The following ELMO1 variants were observed in gnomAD, a reference collection of about 807,000 sequenced individuals.
The protein encoded by ELMO1 is engulfment and cell motility protein 1.
ELMO1 carries 26 observed loss-of-function variants against 98.9 expected under a neutral mutation model. The ratio of observed to expected loss-of-function variants is 0.26; its 90% CI spans 0.19 to 0.36. The LOEUF (loss-of-function observed/expected upper bound fraction) is 0.36. ELMO1 is among the 10% of genes least tolerant of loss of function. The pLI is 1.00. For missense variants in ELMO1, 627 were observed against 935.2 expected, an observed-to-expected ratio of 0.67 and a Z score of 4.30; for synonymous variants, 346 against 346.0, an observed-to-expected ratio of 1.00 and a Z score of 0.00.
At position 36,936,488 on chromosome 7, in the gene ELMO1, C is replaced by T. The variant is rs117771559; in HGVS notation, c.1438-41471G>A. Among the ~76,000 whole-genome samples the T allele has an allele frequency of 7.9e-3, 1,206 of 152,216 alleles. 6 individuals carry two copies. Among genetic ancestry groups the T allele is most frequent in the Non-Finnish European group, 0.013 (915 of 68,014 alleles). ...TTTTATTTTTTAGAGATGGGGGTCT[C>T]GCTCTGTTGCCCAGACTGGAGTGCC... On this transcript the variant is annotated intron_variant, in intron 16 of 21. Coordinates refer to ENST00000310758, the MANE Select transcript of ELMO1 (RefSeq NM_014800.11).
At chr7:37,246,825 T>C (rs1297660346) in intron 6 of ELMO1, among the ~76,000 whole-genome samples, 2 of 151,890 alleles carry the variant, frequency 1.3e-5, no homozygotes, top group South Asian at 2.1e-4. Context: ...TCTATCTATA[T>C]ATATATCTGT....
chr7:37,036,981 T>C (rs1307254668), intron 15 of ELMO1, among the ~76,000 whole-genome samples: 2 of 152,128 alleles, frequency 1.3e-5, no homozygotes, highest in East Asian at 3.8e-4. Flanking sequence ...GAGAATGAAG[T>C]GGCCAGTGTA....
intron 1 of ELMO1, among the ~76,000 whole-genome samples, chr7:37,448,020 G>C (rs1034795609): frequency 1.3e-4 from 20 of 151,926 alleles, no homozygotes; most frequent in Non-Finnish European, 2.6e-4. Context: ...CGGAGACCCC[G>C]GTGTGTCCCC....
chr7:37,048,506 GA>G (rs1437599241), intron 15 of ELMO1, among the ~76,000 whole-genome samples: 1 of 152,194 alleles, frequency 6.6e-6, no homozygotes, highest in Admixed American at 6.5e-5. Flanking sequence ...ACAAGACTCT[GA>G]CTCCTTGGTA....
In ELMO1 at chr7:36,943,085, A is replaced by T. The variant is rs146697640; in HGVS notation, c.1438-48068T>A. Among the ~76,000 whole-genome samples the T allele has an allele frequency of 1.2e-4, 18 of 152,306 alleles. No individual in the cohort carries two copies. In the East Asian group the frequency reaches 3.5e-3, roughly 29 times the overall value. On this transcript the variant is annotated intron_variant, in intron 16 of 21. Transcript: ENST00000310758. ...CCTGGGTCCTACCTCAGAGGTGCTC[A>T]TGGTGAGGGCTACTGCCTCATTCCC...
chr7:36,880,069 C>T (rs946954230), intron 18 of ELMO1, among the ~76,000 whole-genome samples: 4 of 152,204 alleles, frequency 2.6e-5, no homozygotes, highest in African/African-American at 9.7e-5. Context: ...CTTTCCCCTG[C>T]CCTACGTGGC....
At chr7:36,943,829 G>C (rs547735877) in intron 16 of ELMO1, among the ~76,000 whole-genome samples, 1 of 152,026 alleles carries the variant, frequency 6.6e-6, no homozygotes, top group African/African-American at 2.4e-5. Context: ...CTTTTTCCTC[G>C]AGAGCTCCCT....
At chr7:37,071,654 T>C (rs539666520) in intron 15 of ELMO1, among the ~76,000 whole-genome samples, 3 of 152,224 alleles carry the variant, frequency 2.0e-5, no homozygotes, top group Middle Eastern at 3.4e-3. Context: ...AGGAAGACAA[T>C]ACAATTTGAT....
chr7:37,153,113 T>G (rs1055212288), intron 13 of ELMO1, among the ~76,000 whole-genome samples: 6 of 152,206 alleles, frequency 3.9e-5, no homozygotes, highest in Non-Finnish European at 7.3e-5. Flanking sequence ...AAGTAGGCAC[T>G]TCGGGAATTA....
At chr7:37,279,232 A>AAAG (rs1797013217) in intron 4 of ELMO1, among the ~76,000 whole-genome samples, 1 of 131,826 alleles carries the variant, frequency 7.6e-6, no homozygotes. Context: ...AACAAACAAA[A>AAAG]AGTGTGTGAG....
intron 15 of ELMO1, among the ~76,000 whole-genome samples, chr7:37,021,443 GA>G (rs1005692165): frequency 6.6e-6 from 1 of 151,482 alleles, no homozygotes; most frequent in South Asian, 2.1e-4. Flanking sequence ...ATGGAGAGAG[GA>G]AAAAAAATAC....
intron 15 of ELMO1, among the ~76,000 whole-genome samples, chr7:37,090,363 T>C (rs987423622): frequency 1.3e-5 from 2 of 152,240 alleles, no homozygotes; most frequent in Non-Finnish European, 2.9e-5. Flanking sequence ...AATCTAATTC[T>C]AGCGTGTTAT....
At chr7:37,105,646 G>T (rs1230589293) in intron 14 of ELMO1, among the ~76,000 whole-genome samples, 1 of 152,204 alleles carries the variant, frequency 6.6e-6, no homozygotes, top group African/African-American at 2.4e-5. Flanking sequence ...GGACCACACT[G>T]TGGGAACCAC....
intron 16 of ELMO1, among the ~76,000 whole-genome samples, chr7:36,967,783 AG>A (rs1342598983): frequency 1.3e-5 from 2 of 152,228 alleles, no homozygotes; most frequent in African/African-American, 4.8e-5. Flanking sequence ...AATGCAACCT[AG>A]CTAATATCTT....
chr7:37,185,514 C>T (rs1375271209), intron 13 of ELMO1, among the ~76,000 whole-genome samples: 1 of 152,142 alleles, frequency 6.6e-6, no homozygotes, highest in East Asian at 1.9e-4. Context: ...CCACTCAGAT[C>T]ACCCTAGATT....
At chr7:37,168,361 T>C (rs1374090199) in intron 13 of ELMO1, among the ~76,000 whole-genome samples, 1 of 152,240 alleles carries the variant, frequency 6.6e-6, no homozygotes, top group Non-Finnish European at 1.5e-5. Context: ...CCGTCCAGCT[T>C]TGTTCCATTG....
chr7:36,963,627 G>A (rs1264129939), intron 16 of ELMO1, among the ~76,000 whole-genome samples: 1 of 152,050 alleles, frequency 6.6e-6, no homozygotes, highest in Non-Finnish European at 1.5e-5. Context: ...TCACCTGTAA[G>A]ATTGAATTAG....
At chr7:37,163,135 C>G (rs903005658) in intron 13 of ELMO1, among the ~76,000 whole-genome samples, 2 of 152,130 alleles carry the variant, frequency 1.3e-5, no homozygotes, top group African/African-American at 2.4e-5. Context: ...GTTTCAGTTA[C>G]AAATACAGAT....
At chr7:37,375,627 G>A in intron 1 of ELMO1, 1 of 1,163,884 alleles carries the variant, frequency 8.6e-7, no homozygotes, top group Non-Finnish European at 1.3e-6. Flanking sequence ...ACCAGGAGCT[G>A]GCAGACAAGA....
Sources: allele counts gnomAD v4.1 joint callset (sites outside exome capture counted in the v4.1 genomes callset), GRCh38; gene constraint gnomAD v4.1.1; transcripts MANE v1.5; gene names NCBI Gene and HGNC (gene_info 2026-07-23, HGNC 2026-07-21).